The following PLXDC2 variants were observed in gnomAD, a reference collection of about 807,000 sequenced individuals.
The protein encoded by PLXDC2 is plexin domain containing 2.
Under a neutral mutation model 68.9 loss-of-function variants are expected in PLXDC2, and 40 were observed. That is an observed-to-expected ratio of 0.58 (90% CI 0.45 to 0.76). PLXDC2 has a LOEUF of 0.76. PLXDC2 is among the 30% of genes least tolerant of loss of function. PLXDC2 has a pLI of 0.00. For synonymous variants in PLXDC2, 243 were observed against 234.2 expected (o/e 1.04, Z -0.34); for missense variants, 644 against 661.9 (o/e 0.97, Z 0.30).
intron 1 of PLXDC2, among the ~76,000 whole-genome samples, chr10:19,916,522 A>G (rs1426517043): frequency 6.6e-6 from 1 of 152,104 alleles, no homozygotes; most frequent in Non-Finnish European, 1.5e-5. Flanking sequence ...AAATACTCAA[A>G]TAAAAATTAC....
intron 7 of PLXDC2, among the ~76,000 whole-genome samples, chr10:20,172,134 G>A (rs1000829174): frequency 6.6e-6 from 1 of 151,162 alleles, no homozygotes; most frequent in Non-Finnish European, 1.5e-5. Flanking sequence ...ATTTGCTTCA[G>A]TGGCTGCCTC....
chr10:20,080,167 C>T (rs2131719828), intron 4 of PLXDC2, among the ~76,000 whole-genome samples: 2 of 152,248 alleles, frequency 1.3e-5, no homozygotes, highest in East Asian at 3.9e-4. Context: ...TGGGGGTTGT[C>T]ACTCTCATTC....
chr10:19,871,711 CCTGT>C (rs1484804114), intron 1 of PLXDC2, among the ~76,000 whole-genome samples: 2 of 151,752 alleles, frequency 1.3e-5, no homozygotes, highest in Non-Finnish European at 2.9e-5. Context: ...CTGGTGAAAC[CCTGT>C]CTCTACTAAA....
chr10:20,155,744 C>G (rs985333250), intron 6 of PLXDC2, among the ~76,000 whole-genome samples: 1 of 151,880 alleles, frequency 6.6e-6, no homozygotes, highest in African/African-American at 2.4e-5. Flanking sequence ...TTTACTTTTC[C>G]TAGTGTAAGA....
At chr10:20,001,572 A>C (rs1344818795) in intron 1 of PLXDC2, among the ~76,000 whole-genome samples, 1 of 152,182 alleles carries the variant, frequency 6.6e-6, no homozygotes, top group Non-Finnish European at 1.5e-5. Context: ...CCACTGTCAC[A>C]ACTCCTGGTG....
At chr10:19,972,023 C>T (rs1232766982) in intron 1 of PLXDC2, among the ~76,000 whole-genome samples, 1 of 152,002 alleles carries the variant, frequency 6.6e-6, no homozygotes, top group African/African-American at 2.4e-5. Flanking sequence ...CCAGTAATTA[C>T]CTGGGGAATG....
chr10:20,147,129 G>A (rs1020826822), intron 5 of PLXDC2, among the ~76,000 whole-genome samples: 3 of 152,088 alleles, frequency 2.0e-5, no homozygotes, highest in African/African-American at 7.2e-5. Flanking sequence ...GGTAAACACT[G>A]ACAGAGTGAT....
intron 1 of PLXDC2, among the ~76,000 whole-genome samples, chr10:19,950,248 C>A (rs1185766363): frequency 6.6e-6 from 1 of 152,144 alleles, no homozygotes. Context: ...CAATATGATT[C>A]TATTCCTAGA....
intron 13 of PLXDC2, among the ~76,000 whole-genome samples, chr10:20,251,953 A>T (rs1835681251): frequency 6.6e-6 from 1 of 152,080 alleles, no homozygotes; most frequent in African/African-American, 2.4e-5. Context: ...GTTAAAAAAA[A>T]AAAAGTAAAA....
intron 2 of PLXDC2, among the ~76,000 whole-genome samples, chr10:20,004,716 T>C (rs1341120220): frequency 1.3e-5 from 2 of 152,176 alleles, no homozygotes; most frequent in African/African-American, 4.8e-5. Flanking sequence ...ATTTTCTTAA[T>C]CATTTATAAA....
At chr10:19,850,253 A>G (rs1837088305) in intron 1 of PLXDC2, among the ~76,000 whole-genome samples, 1 of 151,086 alleles carries the variant, frequency 6.6e-6, no homozygotes, top group Non-Finnish European at 1.5e-5. Flanking sequence ...AACCTAGGAG[A>G]AAACTGCACC....
At chr10:19,871,406 T>C (rs943836655) in intron 1 of PLXDC2, among the ~76,000 whole-genome samples, 3 of 152,208 alleles carry the variant, frequency 2.0e-5, no homozygotes, top group South Asian at 2.1e-4. Context: ...TAGTGCCAAA[T>C]TGTATCACAG....
chr10:20,175,051 C>G (rs963844871), intron 7 of PLXDC2, among the ~76,000 whole-genome samples: 3 of 151,902 alleles, frequency 2.0e-5, no homozygotes. Context: ...AAGTTTGATT[C>G]CAGGATTGTA....
intron 1 of PLXDC2, among the ~76,000 whole-genome samples, chr10:19,862,064 G>A (rs1397234337): frequency 6.6e-6 from 1 of 152,184 alleles, no homozygotes; most frequent in East Asian, 1.9e-4. Context: ...GATAAGGAAA[G>A]ATGTTCTTAA....
chr10:19,884,581 C>T (rs1386798552), intron 1 of PLXDC2, among the ~76,000 whole-genome samples: 3 of 150,872 alleles, frequency 2.0e-5, no homozygotes, highest in Non-Finnish European at 4.4e-5. Context: ...TCAATTCCCA[C>T]CTATGAGTGA....
chr10:20,164,496 C>T lies in PLXDC2; in HGVS notation c.812C>T (p.Ser271Leu). ...EIPVLVTQIS[S>L]TNHPVKVGLS... ...CCTGTCTTGGTCACACAGATAAGTTCAACCAATCATCCAGTGAAAGTCGGA... is the reference window on the plus strand; with the variant it reads ...CCTGTCTTGGTCACACAGATAAGTTTAACCAATCATCCAGTGAAAGTCGGA... Residue 271 changes from serine to leucine, a missense_variant, in exon 7 of 14, where the codon TCA (serine) becomes TTA (leucine). By Grantham distance (145) the Ser-to-Leu change is moderately radical (BLOSUM62 -2). Coordinates refer to ENST00000377252, the MANE Select transcript of PLXDC2 (RefSeq NM_032812.9). The T allele has an allele frequency of 6.2e-7, 1 of 1,613,494 alleles. No homozygotes were observed. Among genetic ancestry groups the T allele is most frequent in the Non-Finnish European group, 8.5e-7 (1 of 1,179,640 alleles).
chr10:20,149,730 G>A (rs922496977), intron 6 of PLXDC2, among the ~76,000 whole-genome samples: 4 of 152,012 alleles, frequency 2.6e-5, no homozygotes, highest in African/African-American at 9.7e-5. Context: ...CTCCATCCAG[G>A]TCCCTACAGA....
intron 13 of PLXDC2, among the ~76,000 whole-genome samples, chr10:20,253,157 G>A (rs185131735): frequency 2.1e-3 from 312 of 152,034 alleles, no homozygotes; most frequent in Non-Finnish European, 3.7e-3. Flanking sequence ...TTGAAATCAG[G>A]AGTTTGAGAC....
chr10:19,844,503 A>G (rs1333938848), intron 1 of PLXDC2, among the ~76,000 whole-genome samples: 2 of 152,170 alleles, frequency 1.3e-5, no homozygotes, highest in Non-Finnish European at 2.9e-5. Context: ...GGCTACAGGA[A>G]TGAGGGATTT....
Sources: gnomAD v4.1 joint callset for allele counts (sites outside exome capture counted in the v4.1 genomes callset) on GRCh38, gnomAD v4.1.1 for gene constraint, MANE v1.5 for transcripts, NCBI Gene and HGNC (gene_info 2026-07-23, HGNC 2026-07-21) for gene names.